The following DACH2 variants were observed in gnomAD, a reference collection of about 807,000 sequenced individuals.
The protein encoded by DACH2 is dachshund family transcription factor 2, also known as dachshund homolog 2.
DACH2 carries 17 observed loss-of-function variants against 35.8 expected under a neutral mutation model. That is an observed-to-expected ratio of 0.48 (90% confidence interval 0.33 to 0.71). The LOEUF (loss-of-function observed/expected upper bound fraction) is 0.71. DACH2 is among the 30% of genes least tolerant of loss of function. The pLI, the probability that DACH2 is intolerant of heterozygous loss-of-function variation, is 0.02. For synonymous variants in DACH2, 195 were observed against 177.3 expected (o/e 1.10, Z -0.79); for missense variants, 469 against 472.7 (o/e 0.99, Z 0.07).
chrX:86,412,228 T>C (rs1211154471), intron 2 of DACH2, among the ~76,000 whole-genome samples: 1 of 111,215 alleles, frequency 9.0e-6, no homozygotes. Flanking sequence ...AACTAAGACC[T>C]CTAGGCCAGG....
intron 3 of DACH2, among the ~76,000 whole-genome samples, chrX:86,631,594 T>G (rs2040201667): frequency 8.9e-6 from 1 of 112,179 alleles, no homozygotes; most frequent in South Asian, 3.6e-4. Context: ...TTAATTGTGT[T>G]ATTTTTAAAA....
At chrX:86,320,574 G>A (rs1004368215) in intron 1 of DACH2, among the ~76,000 whole-genome samples, 3 of 112,201 alleles carry the variant, frequency 2.7e-5, no homozygotes, top group Admixed American at 9.4e-5. Context: ...CAGCAGTCCT[G>A]CCATATTGTG....
rs1233267327 is a variant in DACH2 at position 86,148,633 on chromosome X, G to T, written c.13G>T (p.Ala5Ser). ...AGACAGAGTGACCATGGCTGTCTCC[G>T]CATCTCCAGTGATCTCTGCAACTTC... MAVS[A>S]SPVISATSSG... Residue 5 changes from alanine to serine, a missense_variant, in exon 1 of 12, where the codon GCA becomes TCA. Physicochemically the swap from Ala to Ser is moderately conservative, Grantham distance 99. Around this residue, in one of 3 missense-constraint regions of DACH2, gnomAD observed 99 missense variants for 114.3 expected, o/e 0.87. Transcript: ENST00000373125. 6.8e-6 allele frequency: 8 copies of T among 1,168,211 alleles called. No individual in the cohort carries two copies. Among genetic ancestry groups the T allele is most frequent in the Non-Finnish European group, 9.1e-6 (8 of 874,529 alleles).
chrX:86,166,998 G>A (rs1434821416), intron 1 of DACH2, among the ~76,000 whole-genome samples: 3 of 111,173 alleles, frequency 2.7e-5, no homozygotes, highest in African/African-American at 9.8e-5. Flanking sequence ...AAATTCATAG[G>A]AGATATTGGA....
intron 2 of DACH2, among the ~76,000 whole-genome samples, chrX:86,399,791 T>C (rs1283724933): frequency 5.2e-4 from 58 of 111,896 alleles, no homozygotes; most frequent in Middle Eastern, 4.6e-3. Flanking sequence ...TAACCAGACC[T>C]TTCTCTCTGG....
At chrX:86,415,426 G>T (rs1296597773) in intron 2 of DACH2, among the ~76,000 whole-genome samples, 2 of 111,447 alleles carry the variant, frequency 1.8e-5, no homozygotes, top group Non-Finnish European at 3.8e-5. Context: ...TTTTACCTTG[G>T]TTTTTCATTT....
At chrX:86,149,606 A>C (rs1044618538) in intron 1 of DACH2, among the ~76,000 whole-genome samples, 3 of 111,271 alleles carry the variant, frequency 2.7e-5, no homozygotes, top group Non-Finnish European at 5.7e-5. Flanking sequence ...TCCATCCCAG[A>C]GGGTGATTCG....
chrX:86,271,275 T>G (rs1340456339), intron 1 of DACH2, among the ~76,000 whole-genome samples: 1 of 112,291 alleles, frequency 8.9e-6, no homozygotes, highest in Admixed American at 9.5e-5. Context: ...GTTTCAGCCT[T>G]ATAGGGCAGT....
intron 1 of DACH2, among the ~76,000 whole-genome samples, chrX:86,347,863 C>T (rs2035523564): frequency 1.8e-5 from 2 of 111,823 alleles, no homozygotes; most frequent in Non-Finnish European, 3.8e-5. Context: ...TTTTTTCTTC[C>T]ATCAGTTTAT....
intron 5 of DACH2, among the ~76,000 whole-genome samples, chrX:86,708,362 G>A (rs1259214980): frequency 9.0e-6 from 1 of 110,959 alleles, no homozygotes; most frequent in Non-Finnish European, 1.9e-5. Flanking sequence ...GTTCAAAGAT[G>A]ACTGATTATC....
At chrX:86,222,745 A>G (rs2032740901) in intron 1 of DACH2, among the ~76,000 whole-genome samples, 1 of 111,095 alleles carries the variant, frequency 9.0e-6, no homozygotes, top group South Asian at 3.8e-4. Context: ...AGGAAATGGG[A>G]CACAAAGCAG....
At chrX:86,738,606 T>C (rs1425083393) in intron 6 of DACH2, among the ~76,000 whole-genome samples, 1 of 112,035 alleles carries the variant, frequency 8.9e-6, no homozygotes, top group African/African-American at 3.2e-5. Flanking sequence ...AATTTGGTTC[T>C]TTTATTGATC....
intron 1 of DACH2, among the ~76,000 whole-genome samples, chrX:86,369,857 G>A (rs2035860489): frequency 9.0e-6 from 1 of 111,167 alleles, no homozygotes; most frequent in Non-Finnish European, 1.9e-5. Flanking sequence ...GAACACCATG[G>A]CTGTTCTTAT....
intron 1 of DACH2, among the ~76,000 whole-genome samples, chrX:86,177,608 T>C (rs2031345451): frequency 9.0e-6 from 1 of 111,529 alleles, no homozygotes; most frequent in Admixed American, 9.6e-5. Flanking sequence ...TGTCCAGTCA[T>C]TCACCTGGCA....
intron 1 of DACH2, among the ~76,000 whole-genome samples, chrX:86,266,765 T>C (rs2033720485): frequency 8.9e-6 from 1 of 111,881 alleles, no homozygotes; most frequent in African/African-American, 3.2e-5. Context: ...TTATGAAAAA[T>C]AAGTTGTACT....
At chrX:86,437,388 T>C (rs2037084762) in intron 2 of DACH2, among the ~76,000 whole-genome samples, 1 of 111,548 alleles carries the variant, frequency 9.0e-6, no homozygotes, top group South Asian at 3.7e-4. Context: ...ATACATTCTA[T>C]CTAACTGTGT....
At position 86,291,932 on chromosome X, in the gene DACH2, G is replaced by C. The variant is rs1166542945; in HGVS notation, c.489-84892G>C. Among the ~76,000 whole-genome samples the C allele has an allele frequency of 1.5e-4, 10 of 68,704 alleles. No homozygotes were observed. In the South Asian group the frequency reaches 7.8e-3, roughly 54 times the overall value. The allele number at this position is 68,704 out of a possible 115,157, so 59.7% of individuals were successfully genotyped here. On this transcript the variant is annotated intron_variant, in intron 1 of 11. Transcript: ENST00000373125. ...CCAGCTTTGGTATCAGGATGATGCT[G>C]GCCTCATAAAATGAGTTAGGGAGGA...
intron 7 of DACH2, among the ~76,000 whole-genome samples, chrX:86,804,482 T>A (rs1423114745): frequency 1.8e-5 from 2 of 111,494 alleles, no homozygotes; most frequent in Non-Finnish European, 3.8e-5. Context: ...ACCATATCAT[T>A]CTGCCCTGAC....
At chrX:86,476,158 C>A (rs781458838) in intron 2 of DACH2, among the ~76,000 whole-genome samples, 8 of 111,497 alleles carry the variant, frequency 7.2e-5, no homozygotes, top group Non-Finnish European at 1.5e-4. Context: ...GTGTCTTTGT[C>A]TGGTTTTGGT....
Sources: gnomAD v4.1 joint callset for allele counts (sites outside exome capture counted in the v4.1 genomes callset) on GRCh38, gnomAD v4.1.1 for gene constraint, gnomAD v4.1.1 regional missense constraint, MANE v1.5 for transcripts, NCBI Gene and HGNC (gene_info 2026-07-23, HGNC 2026-07-21) for gene names.